The following SYNE3 variants were observed in gnomAD, a reference collection of about 807,000 sequenced individuals.
The protein encoded by SYNE3 is nesprin-3.
A neutral mutation model predicts 111.2 loss-of-function variants in SYNE3; 100 were observed. The ratio of observed to expected loss-of-function variants is 0.90; its 90% confidence interval spans 0.77 to 1.06. The LOEUF (loss-of-function observed/expected upper bound fraction) is 1.06. Ranked by LOEUF, SYNE3 falls within the 50% of genes least tolerant of loss-of-function variation. SYNE3 has a pLI of 0.00. For synonymous variants in SYNE3, 547 were observed against 533.9 expected, an observed-to-expected ratio of 1.02 and a Z score of -0.34; for missense variants, 1,160 against 1,240.3, an observed-to-expected ratio of 0.94 and a Z score of 0.97.
At chr14:95,435,894 GA>G (rs1458496934) in intron 15 of SYNE3, among the ~76,000 whole-genome samples, 1 of 152,176 alleles carries the variant, frequency 6.6e-6, no homozygotes, top group African/African-American at 2.4e-5. Flanking sequence ...ACCTAGATGG[GA>G]CCCAACAGGA....
chr14:95,509,004 T>C (rs1448597731), intron 1 of SYNE3, among the ~76,000 whole-genome samples: 1 of 152,252 alleles, frequency 6.6e-6, no homozygotes, highest in East Asian at 1.9e-4. Context: ...AATTTAATAA[T>C]AGTAGTAATA....
In SYNE3 at chr14:95,470,357, C is replaced by T. The variant is rs1245897431; in HGVS notation, c.145-2390G>A. Among the ~76,000 whole-genome samples the T allele has an allele frequency of 2.0e-5, 3 of 151,976 alleles. No homozygotes were observed. The highest frequency in any genetic ancestry group is 4.4e-5 in the Non-Finnish European group (3 of 68,004). ...TGATTAAAAATAATAGTAGACCAGGCGTGGTGACTCATGCCTGTAATCCCA... is the reference window on the plus strand; with the variant it reads ...TGATTAAAAATAATAGTAGACCAGGTGTGGTGACTCATGCCTGTAATCCCA... On this transcript the variant is annotated intron_variant, in intron 2 of 17. Transcript: ENST00000682763. This position sits in a 1 kb window ranked among gnomAD's most constrained non-coding sequence, Gnocchi z 4.2.
chr14:95,506,098 A>G (rs179160), intron 1 of SYNE3, among the ~76,000 whole-genome samples: 116,820 of 152,168 alleles, frequency 0.77, 45,105 homozygotes, highest in African/African-American at 0.83. Flanking sequence ...GAGGGGAGAT[A>G]AAGAGATGAA....
chr14:95,492,544 G>A (rs1026580593), intron 1 of SYNE3, among the ~76,000 whole-genome samples: 1 of 152,248 alleles, frequency 6.6e-6, no homozygotes, highest in African/African-American at 2.4e-5. Context: ...TTTCATTGAT[G>A]TGAAATGTGT....
Position 95,455,668 on chromosome 14 carries a change from C to T in SYNE3, c.846G>A (p.Gln282=). 1 of 1,614,248 alleles carries T rather than the reference C, an allele frequency of 6.2e-7. No homozygotes were observed. Among genetic ancestry groups the T allele is most frequent in the Admixed American group, 1.7e-5 (1 of 60,032 alleles). The change falls in exon 6 of 18, where the codon CAG becomes CAA. Residue 282 remains glutamine (Q), a synonymous_variant. Transcript: ENST00000682763. ...AGGTGTTCCGAATGACACCCGCAGA[C>T]TGCTCCTCCAGCGTCTCCAGAGACT... ...GEESLETLEE[Q]SAGVIRNTSP... is the part of the protein sequence containing the mutation.
In SYNE3 at chr14:95,470,237, C is replaced by T. The variant is rs1049359379; in HGVS notation, c.145-2270G>A. Among the ~76,000 whole-genome samples, 3 of 152,130 alleles carry T rather than the reference C, an allele frequency of 2.0e-5. No individual in the cohort carries two copies. Among genetic ancestry groups the T allele is most frequent in the African/African-American group, 4.8e-5 (2 of 41,422 alleles). ...AGTGTGGAATGTTCTAGACTGAATA[C>T]GATTATCCACCCAGGATGTTTCACA... On this transcript the variant is annotated intron_variant, in intron 2 of 17. Transcript: ENST00000682763. The surrounding 1 kb of genome is among the most constrained non-coding windows in gnomAD (Gnocchi z 4.2).
At chr14:95,469,531 C>CAA (rs71132350) in intron 2 of SYNE3, among the ~76,000 whole-genome samples, 131 of 99,230 alleles carry the variant, frequency 1.3e-3, no homozygotes, top group African/African-American at 3.7e-3. Flanking sequence ...CATGTCTCTA[C>CAA]AAAAAAAAAA....
chr14:95,465,731 G>T (rs763384591), intron 4 of SYNE3, among the ~76,000 whole-genome samples, 200 bp downstream of exon 4: 4 of 152,044 alleles, frequency 2.6e-5, no homozygotes, highest in Non-Finnish European at 4.4e-5. Context: ...TTAGTGGGGA[G>T]GTAGATGGGT....
chr14:95,443,087 C>A (rs1364821073), intron 11 of SYNE3, 68 bp downstream of exon 11: 2 of 1,589,446 alleles, frequency 1.3e-6, no homozygotes, highest in Non-Finnish European at 1.7e-6. Flanking sequence ...GGAAGAAAGG[C>A]CCCAGGCGTG....
At chr14:95,475,584 C>G in intron 2 of SYNE3, 94 bp downstream of exon 2, 1 of 1,281,924 alleles carries the variant, frequency 7.8e-7, no homozygotes, top group Non-Finnish European at 1.0e-6. Flanking sequence ...GTTTAGTCCA[C>G]CGTTGCCTTT....
chr14:95,482,140 A>C (rs963443725), intron 1 of SYNE3, among the ~76,000 whole-genome samples: 1 of 152,232 alleles, frequency 6.6e-6, no homozygotes, highest in Non-Finnish European at 1.5e-5. Context: ...AGCAGTTTTT[A>C]AAATTCTCTG....
At chr14:95,472,202 T>C (rs1888570405) in intron 2 of SYNE3, among the ~76,000 whole-genome samples, 1 of 152,164 alleles carries the variant, frequency 6.6e-6, no homozygotes, top group African/African-American at 2.4e-5. Context: ...TATTGAAGGA[T>C]GAATGCATTG....
intron 10 of SYNE3, 98 bp downstream of exon 10, chr14:95,444,387 C>T: frequency 6.8e-7 from 1 of 1,463,530 alleles, no homozygotes; most frequent in Non-Finnish European, 9.1e-7. Context: ...TGGCTCACGG[C>T]AGCTGTTGCT....
intron 1 of SYNE3, among the ~76,000 whole-genome samples, chr14:95,478,457 T>C (rs979232219): frequency 6.6e-5 from 10 of 152,186 alleles, no homozygotes; most frequent in Non-Finnish European, 1.5e-4. Context: ...GCTTCTGCCC[T>C]GGGACTACCA....
At chr14:95,437,186 T>C (rs1271410001) in intron 14 of SYNE3, among the ~76,000 whole-genome samples, 1 of 152,240 alleles carries the variant, frequency 6.6e-6, no homozygotes, top group Non-Finnish European at 1.5e-5. Context: ...GTCCCCTTTC[T>C]GGTCCCCTGA....
chr14:95,509,113 T>G (rs951613079), intron 1 of SYNE3, among the ~76,000 whole-genome samples: 1 of 152,226 alleles, frequency 6.6e-6, no homozygotes, highest in East Asian at 1.9e-4. Flanking sequence ...CTCTTGAAAC[T>G]GTTGATTAGT....
chr14:95,410,473 C>T lies in SYNE3; in HGVS notation c.*7353G>A, dbSNP rs1471206074. On this transcript the variant is annotated 3_prime_UTR_variant, in exon 18 of 18. Coordinates refer to ENST00000682763, the MANE Select transcript of SYNE3 (RefSeq NM_152592.6). ...GCCAATGAGATGAGAACGGAAGTGG[C>T]TGGTGGAGCTTCTGGGAAAGCTGCT... The T allele has an allele frequency of 6.6e-6, 1 of 152,226 alleles. No individual in the cohort carries two copies. The highest frequency in any genetic ancestry group is 2.4e-5 in the African/African-American group (1 of 41,440). The allele number at this position is 152,226 out of a possible 1,614,324, so 9.4% of individuals were successfully genotyped here.
rs376779070 is a variant in SYNE3, at chr14:95,467,946, C to T, written c.166G>A (p.Glu56Lys). 1.6e-5 allele frequency: 25 copies of T among 1,611,682 alleles called. No homozygotes were observed. The highest frequency in any genetic ancestry group is 1.5e-4 in the Admixed American group (9 of 59,648). ...ETEKICQLEP[E>K]GRVRVDLVLR... ...ACGAGGTCCACCCTCACACGCCCCTCGGGCTCCAGCTGGCATATTTTCTGT... is the reference window on the plus strand; with the variant it reads ...ACGAGGTCCACCCTCACACGCCCCTTGGGCTCCAGCTGGCATATTTTCTGT... The change falls in exon 3 of 18, where the codon GAG becomes AAG. Residue 56 changes from glutamate (E) to lysine (K), a missense_variant. Transcript: ENST00000682763.
rs994716662 is a variant in SYNE3, at chr14:95,450,132, G to A, written c.1275-27C>T. The stretch of plus-strand genomic sequence containing the variant: ...TGCAAGGAGCGTGGAGGGAGAAAAT[G>A]AGGGAGGAGAGAGAGTGGGTTCAGT... On this transcript the variant is annotated intron_variant, in intron 7 of 17. Coordinates refer to ENST00000682763, the MANE Select transcript of SYNE3 (RefSeq NM_152592.6). The A allele has an allele frequency of 5.1e-6, 8 of 1,558,486 alleles. No individual in the cohort carries two copies. In the African/African-American group the frequency reaches 1.1e-4, roughly 21 times the overall value.
Sources: gnomAD v4.1 joint callset for allele counts (sites outside exome capture counted in the v4.1 genomes callset) on GRCh38, gnomAD v4.1.1 for gene constraint, Gnocchi (gnomAD v3.1) non-coding constraint, MANE v1.5 for transcripts, NCBI Gene and HGNC (gene_info 2026-07-23, HGNC 2026-07-21) for gene names.